ARL17B: variants seen among roughly 807,000 people sequenced by gnomAD.
ARL17B encodes the protein ADP-ribosylation factor-like protein 17.
At chr17:46,286,602 T>G (rs2049921587) in intron 4 of ARL17B, among the ~76,000 whole-genome samples, 2 of 152,054 alleles carry the variant, frequency 1.3e-5, no homozygotes, top group Non-Finnish European at 2.9e-5. Flanking sequence ...GTCTCAAACA[T>G]TCACTATGAA....
intron 3 of ARL17B, among the ~76,000 whole-genome samples, chr17:46,350,556 C>A (rs1598211657): frequency 3.0e-5 from 2 of 67,178 alleles, no homozygotes; most frequent in African/African-American, 8.6e-5. Context: ...GTGGAATAAG[C>A]AGTTAAAAAA....
At chr17:46,330,878 G>A (rs754549422), downstream of ARL17B, 29 of 723,258 alleles carry the variant, frequency 4.0e-5, 10 homozygotes, top group Admixed American at 8.5e-4. Context: ...GGAGAACGCT[G>A]CCGAAGAAAA....
chr17:46,274,563 T>G (rs2732705), downstream of ARL17B, among the ~76,000 whole-genome samples: 21,724 of 151,960 alleles, frequency 0.14, 1,892 homozygotes, highest in Non-Finnish European at 0.22. Context: ...TGATAAGATA[T>G]GGATGGATTA....
chr17:46,279,889 T>C (rs140176214), intron 4 of ARL17B, among the ~76,000 whole-genome samples: 260 of 152,322 alleles, frequency 1.7e-3, no homozygotes, highest in Non-Finnish European at 3.2e-3. Context: ...CATAGCCTTA[T>C]GTTTTTCTGT....
chr17:46,277,519 G>T (rs1232647776), intron 4 of ARL17B, among the ~76,000 whole-genome samples: 1 of 152,214 alleles, frequency 6.6e-6, no homozygotes, highest in Non-Finnish European at 1.5e-5. Context: ...AAAGCATAGA[G>T]GGGCTTATAA....
At chr17:46,280,614 C>T (rs1251875575) in intron 4 of ARL17B, among the ~76,000 whole-genome samples, 2 of 137,362 alleles carry the variant, frequency 1.5e-5, no homozygotes, top group Non-Finnish European at 3.1e-5. Context: ...CACTCTGACA[C>T]CCAGGCTGGA....
intron 4 of ARL17B, among the ~76,000 whole-genome samples, chr17:46,281,642 T>C (rs2049766289): frequency 6.6e-6 from 1 of 152,106 alleles, no homozygotes; most frequent in African/African-American, 2.4e-5. Context: ...GTTGGTAAGG[T>C]TGGGAATTTT....
intron 4 of ARL17B, among the ~76,000 whole-genome samples, chr17:46,276,737 A>G (rs2732701): frequency 0.14 from 21,668 of 151,792 alleles, 1,901 homozygotes; most frequent in Non-Finnish European, 0.22. Context: ...CTAAAAATGC[A>G]ACAGCAAGTT....
At position 46,287,465 on chromosome 17, in the gene ARL17B, G is replaced by A. The variant is rs1327932094; in HGVS notation, c.*22-12047C>T. 5.3e-5 allele frequency among the ~76,000 whole-genome samples: 8 copies of A among 152,238 alleles called. No individual in the cohort carries two copies. The East Asian group carries it at 1.2e-3, about 22-fold the overall frequency. On this transcript the variant is annotated intron_variant, in intron 4 of 4. Coordinates refer to the ARL17B transcript ENST00000570618. ...CACCAAGTAGAAGTTACACTACAAG[G>A]ACCATGCAGGTCAGCCAGGTGTAGA... is the stretch of plus-strand genomic sequence containing the variant.
downstream of ARL17B, among the ~76,000 whole-genome samples, chr17:46,274,500 T>C (rs2049536231): frequency 6.6e-6 from 1 of 152,332 alleles, no homozygotes; most frequent in East Asian, 1.9e-4. Context: ...GCTCCTTTCA[T>C]AGAAAGAAAA....
At chr17:46,331,432 G>A (rs1470843316), downstream of ARL17B, 1 of 1,420,358 alleles carries the variant, frequency 7.0e-7, no homozygotes, top group African/African-American at 1.6e-5. Context: ...TTATAGAGAA[G>A]AATAATACAA....
chr17:46,282,261 C>A (rs2049784779), intron 4 of ARL17B, among the ~76,000 whole-genome samples: 1 of 152,026 alleles, frequency 6.6e-6, no homozygotes, highest in Non-Finnish European at 1.5e-5. Context: ...TGCCACCACG[C>A]CCGCCTAATT....
intron 4 of ARL17B, among the ~76,000 whole-genome samples, chr17:46,291,436 CTAACAG>C (rs1466659626): frequency 1.3e-5 from 2 of 151,872 alleles, no homozygotes; most frequent in Non-Finnish European, 2.9e-5. Context: ...TGGCTGAACA[CTAACAG>C]TAAGAGTTTC....
chr17:46,289,275 C>G (rs1173945877), intron 4 of ARL17B, among the ~76,000 whole-genome samples: 1 of 152,192 alleles, frequency 6.6e-6, no homozygotes, highest in African/African-American at 2.4e-5. Context: ...CTTGACCTGC[C>G]AGGCTCAAGT....
rs142466234 is a variant in ARL17B, at chr17:46,280,286, C to T, written c.*22-4868G>A. On this transcript the variant is annotated intron_variant, in intron 4 of 4. Transcript: ENST00000570618. ...GGCTGAGGCAGGAGAATCGCTTGAA[C>T]GCGGGAAGCGGAGGTTGCAGTGAGG... 1.6e-4 allele frequency among the ~76,000 whole-genome samples: 25 copies of T among 152,300 alleles called. No homozygotes were observed. In the East Asian group the frequency reaches 4.7e-3, roughly 28 times the overall value.
intron 4 of ARL17B, among the ~76,000 whole-genome samples, chr17:46,282,172 G>C (rs1420792017): frequency 7.8e-6 from 1 of 128,738 alleles, no homozygotes; most frequent in Non-Finnish European, 1.9e-5. Flanking sequence ...GCGCAATCTC[G>C]GCTCACTGCA....
chr17:46,291,799 C>T (rs1484533458), intron 4 of ARL17B, among the ~76,000 whole-genome samples: 1 of 151,708 alleles, frequency 6.6e-6, no homozygotes, highest in East Asian at 2.0e-4. Context: ...ACAAAAAACA[C>T]CCCAAAATTA....
chr17:46,291,802 C>A (rs1385443161), intron 4 of ARL17B, among the ~76,000 whole-genome samples: 1 of 151,616 alleles, frequency 6.6e-6, no homozygotes, highest in Non-Finnish European at 1.5e-5. Context: ...AAAAACACCC[C>A]AAAATTAGCC....
chr17:46,276,695 C>A (rs1198990002), intron 4 of ARL17B, among the ~76,000 whole-genome samples: 1 of 152,034 alleles, frequency 6.6e-6, no homozygotes, highest in Non-Finnish European at 1.5e-5. Context: ...ATGTTTCATT[C>A]TACCTTAAAT....
Sources: gnomAD v4.1 joint callset for allele counts (sites outside exome capture counted in the v4.1 genomes callset) on GRCh38, gnomAD v4.1.1 for gene constraint, MANE v1.5 for transcripts, NCBI Gene and HGNC (gene_info 2026-07-23, HGNC 2026-07-21) for gene names.